Variants in SUPT3H observed in about 807,000 individuals in gnomAD.
SUPT3H encodes the protein transcription initiation protein SPT3 homolog.
Under a neutral mutation model 44.3 loss-of-function variants are expected in SUPT3H, and 44 were observed. The ratio of observed to expected loss-of-function variants is 0.99; its 90% confidence interval spans 0.78 to 1.28. The LOEUF (loss-of-function observed/expected upper bound fraction) is 1.28, where lower values mean the gene tolerates loss of function less well. Ranked by LOEUF, SUPT3H falls within the 50% of genes most tolerant of loss-of-function variation. The pLI, the probability that SUPT3H is intolerant of heterozygous loss-of-function variation, is 0.00. For missense variants in SUPT3H, 380 were observed against 387.1 expected, an observed-to-expected ratio of 0.98 and a Z score of 0.15; for synonymous variants, 124 against 125.6, an observed-to-expected ratio of 0.99 and a Z score of 0.09.
At chr6:45,046,469 C>T (rs1789414407) in intron 3 of SUPT3H, among the ~76,000 whole-genome samples, 1 of 152,004 alleles carries the variant, frequency 6.6e-6, no homozygotes, top group Admixed American at 6.6e-5. Context: ...CAGCTGGGAC[C>T]ACAGCTGTAC....
chr6:44,925,221 C>T (rs1194437364), intron 10 of SUPT3H, among the ~76,000 whole-genome samples: 1 of 152,122 alleles, frequency 6.6e-6, no homozygotes, highest in East Asian at 1.9e-4. Context: ...AGGCTGGATT[C>T]TAGGGTTAGT....
chr6:45,268,157 T>C (rs919211078), intron 2 of SUPT3H, among the ~76,000 whole-genome samples: 3 of 152,190 alleles, frequency 2.0e-5, no homozygotes, highest in Non-Finnish European at 4.4e-5. Context: ...CCTTCTTTTA[T>C]CTGGAATACA....
At chr6:44,898,798 C>T (rs1348100497) in intron 10 of SUPT3H, 4 of 152,396 alleles carry the variant, frequency 2.6e-5, no homozygotes, top group East Asian at 1.9e-4. Context: ...CAGTGGCAGT[C>T]GCTGCTTCAA....
chr6:45,016,941 C>T (rs1444582838), intron 4 of SUPT3H, among the ~76,000 whole-genome samples: 4 of 150,784 alleles, frequency 2.7e-5, no homozygotes, highest in Non-Finnish European at 5.9e-5. Context: ...AATGGTTGAA[C>T]TAGTTTACAG....
At chr6:45,088,560 A>G (rs1413489558) in intron 3 of SUPT3H, among the ~76,000 whole-genome samples, 1 of 152,060 alleles carries the variant, frequency 6.6e-6, no homozygotes, top group Non-Finnish European at 1.5e-5. Context: ...TCAAGACTGT[A>G]TAACTGGCAA....
chr6:45,218,190 G>C (rs1194002557), intron 2 of SUPT3H, among the ~76,000 whole-genome samples: 1 of 152,020 alleles, frequency 6.6e-6, no homozygotes, highest in African/African-American at 2.4e-5. Flanking sequence ...TTAATAGAAA[G>C]CAGAAGGAGC....
chr6:45,230,912 C>G lies in SUPT3H; in HGVS notation c.102-124906G>C, dbSNP rs1446413434. Among the ~76,000 whole-genome samples, 21 of 151,834 alleles carry G rather than the reference C, an allele frequency of 1.4e-4. 1 individual carries two copies. The highest frequency in any genetic ancestry group is 1.3e-3 in the Admixed American group (20 of 15,234). The stretch of plus-strand genomic sequence containing the variant: ...GGTCTAGATCTCCTGACCTCATGAT[C>G]TGCCTGCCTCGGCCTCCCAAAGTGC... On this transcript the variant is annotated intron_variant, in intron 2 of 10. Transcript: ENST00000371459.
Position 45,309,162 on chromosome 6 carries a change from GA to G in SUPT3H, c.101+56038del, listed in dbSNP as rs147009181. Among the ~76,000 whole-genome samples the G allele has an allele frequency of 8.3e-3, 1,109 of 133,482 alleles. 19 individuals carry two copies. The highest frequency in any genetic ancestry group is 0.027 in the African/African-American group (992 of 36,090). 87.6% of individuals were successfully genotyped at this position (133,482 alleles called of 152,430 possible). A position where few individuals can be genotyped will look rare whatever the true frequency, so the allele number is the denominator to read the frequency against. Reference sequence around the variant, plus strand: ...TAAAAATAGATGTCTAAATATTTAGGAAAAAAAAAAAAAAGAATACAATCTC... The same window carrying G: ...TAAAAATAGATGTCTAAATATTTAGGAAAAAAAAAAAAAGAATACAATCTC... On this transcript the variant is annotated intron_variant, in intron 2 of 10. Transcript: ENST00000371459.
At chr6:44,887,896 A>G (rs1364710497) in intron 10 of SUPT3H, among the ~76,000 whole-genome samples, 3 of 152,126 alleles carry the variant, frequency 2.0e-5, no homozygotes, top group Non-Finnish European at 4.4e-5. Context: ...AAGAAAAGAG[A>G]GAAGAACCAA....
At chr6:44,943,669 A>T (rs1182071634) in intron 9 of SUPT3H, among the ~76,000 whole-genome samples, 1 of 152,140 alleles carries the variant, frequency 6.6e-6, no homozygotes, top group East Asian at 1.9e-4. Context: ...CATTAGACAC[A>T]GGGAAACGAT....
At chr6:45,202,678 T>C (rs547171369) in intron 2 of SUPT3H, among the ~76,000 whole-genome samples, 184 of 152,222 alleles carry the variant, frequency 1.2e-3, no homozygotes, top group African/African-American at 4.0e-3. Flanking sequence ...TATTTTGAAA[T>C]ATCATTGTCA....
chr6:45,043,712 A>G (rs572029663), intron 3 of SUPT3H, among the ~76,000 whole-genome samples: 2 of 152,314 alleles, frequency 1.3e-5, no homozygotes, highest in South Asian at 4.1e-4. Flanking sequence ...CTGAAAAAAA[A>G]GGAAAGAAAT....
intron 2 of SUPT3H, among the ~76,000 whole-genome samples, chr6:45,175,422 G>T (rs528886213): frequency 6.6e-6 from 1 of 152,114 alleles, no homozygotes; most frequent in African/African-American, 2.4e-5. Flanking sequence ...AGCAAAGGGG[G>T]ATCACGAGAA....
In SUPT3H at chr6:45,307,917, C is replaced by T. The variant is rs1030212008; in HGVS notation, c.101+57284G>A. 1.4e-4 allele frequency among the ~76,000 whole-genome samples: 22 copies of T among 152,204 alleles called. 1 individual carries two copies. Among genetic ancestry groups the T allele is most frequent in the Non-Finnish European group, 3.1e-4 (21 of 68,014 alleles). On this transcript the variant is annotated intron_variant, in intron 2 of 10. Coordinates refer to ENST00000371459, the MANE Select transcript of SUPT3H (RefSeq NM_003599.4). ...CCAATGCAGAGAAGTCCTTAAAGGA[C>T]CTGATGGAGCTGAAAACCACGGCAC...
intron 2 of SUPT3H, among the ~76,000 whole-genome samples, chr6:45,307,988 A>G (rs1442864392): frequency 1.3e-5 from 2 of 152,230 alleles, no homozygotes; most frequent in East Asian, 3.8e-4. Context: ...CGATTTGATC[A>G]ACTGGAAGAA....
chr6:45,248,718 C>A (rs1464651440), intron 2 of SUPT3H, among the ~76,000 whole-genome samples: 4 of 152,020 alleles, frequency 2.6e-5, no homozygotes, highest in Non-Finnish European at 5.9e-5. Flanking sequence ...AGATCGAGAC[C>A]ACCCTGGTCA....
At chr6:45,337,415 A>G (rs1788801715) in intron 2 of SUPT3H, among the ~76,000 whole-genome samples, 1 of 151,862 alleles carries the variant, frequency 6.6e-6, no homozygotes, top group African/African-American at 2.4e-5. Flanking sequence ...TTTAAAATAT[A>G]TAATTAAATC....
intron 2 of SUPT3H, among the ~76,000 whole-genome samples, chr6:45,353,031 G>A (rs969499290): frequency 6.6e-6 from 1 of 152,004 alleles, no homozygotes; most frequent in African/African-American, 2.4e-5. Flanking sequence ...AAAGAAAACT[G>A]AGAAGTTCTT....
In SUPT3H at chr6:45,323,710, G is replaced by C. The variant is rs184924130; in HGVS notation, c.101+41491C>G. Among the ~76,000 whole-genome samples, 440 of 152,048 alleles carry C rather than the reference G, an allele frequency of 2.9e-3. 2 individuals are homozygous for C. The highest frequency in any genetic ancestry group is 2.7e-3 in the Non-Finnish European group (183 of 67,956). On this transcript the variant is annotated intron_variant, in intron 2 of 10. Transcript: ENST00000371459. ...TCTAATCCTATTTAATACTAAAAGAGTTCAATTGAAAGAGAGGAGATTTTC... is the reference window on the plus strand; with the variant it reads ...TCTAATCCTATTTAATACTAAAAGACTTCAATTGAAAGAGAGGAGATTTTC...
Sources: gnomAD v4.1 joint callset for allele counts (sites outside exome capture counted in the v4.1 genomes callset) on GRCh38, gnomAD v4.1.1 for gene constraint, MANE v1.5 for transcripts, NCBI Gene and HGNC (gene_info 2026-07-23, HGNC 2026-07-21) for gene names.